The following FGF12 variants were observed in gnomAD, a reference collection of about 807,000 sequenced individuals.
FGF12 encodes fibroblast growth factor 12B.
Under a neutral mutation model 23.6 loss-of-function variants are expected in FGF12, and 14 were observed. That is an observed-to-expected ratio of 0.59 (90% CI 0.39 to 0.93). The LOEUF (loss-of-function observed/expected upper bound fraction) is 0.93, where lower values mean the gene tolerates loss of function less well. FGF12 is among the 40% of genes least tolerant of loss of function. The probability of loss-of-function intolerance (pLI) is 0.00; values close to 1 mark genes in which losing one functional copy is unlikely to be tolerated. For missense variants in FGF12, 175 were observed against 217.8 expected (o/e 0.80, Z 1.24); for synonymous variants, 62 against 77.3 (o/e 0.80, Z 1.04).
At chr3:192,184,594 G>A (rs1457733813) in intron 4 of FGF12, among the ~76,000 whole-genome samples, 16 of 152,186 alleles carry the variant, frequency 1.1e-4, no homozygotes, top group Admixed American at 1.0e-3. Flanking sequence ...GTCAGGGGAA[G>A]GCCAATCCAA....
At chr3:192,466,822 C>T (rs1010816656) in intron 2 of FGF12, among the ~76,000 whole-genome samples, 1 of 152,156 alleles carries the variant, frequency 6.6e-6, no homozygotes, top group Non-Finnish European at 1.5e-5. Context: ...TATTAAAATC[C>T]AGAGCCCCTG....
intron 4 of FGF12, among the ~76,000 whole-genome samples, chr3:192,207,258 C>T (rs1717700967): frequency 2.0e-5 from 3 of 152,288 alleles, no homozygotes; most frequent in Non-Finnish European, 1.5e-5. Flanking sequence ...CAAATGTTAT[C>T]AACCTTCAAC....
chr3:192,533,073 T>C (rs1725132801), intron 2 of FGF12, among the ~76,000 whole-genome samples: 1 of 152,156 alleles, frequency 6.6e-6, no homozygotes, highest in East Asian at 1.9e-4. Context: ...GAGAAAAAAT[T>C]TAAAATAGCG....
At chr3:192,385,876 C>T (rs1359047973) in intron 2 of FGF12, among the ~76,000 whole-genome samples, 1 of 152,130 alleles carries the variant, frequency 6.6e-6, no homozygotes, top group Non-Finnish European at 1.5e-5. Context: ...GTAAACATGC[C>T]CCCTTATTCC....
chr3:192,374,549 T>C (rs1719385286), intron 2 of FGF12, among the ~76,000 whole-genome samples: 1 of 152,216 alleles, frequency 6.6e-6, no homozygotes, highest in Non-Finnish European at 1.5e-5. Flanking sequence ...CTTTTTAGCA[T>C]GAAATATTTC....
chr3:192,333,741 A>G (rs916444453), intron 4 of FGF12, among the ~76,000 whole-genome samples: 4 of 152,242 alleles, frequency 2.6e-5, no homozygotes, highest in African/African-American at 9.6e-5. Flanking sequence ...CACTCTCTGT[A>G]GCTTAAGTGA....
intron 4 of FGF12, among the ~76,000 whole-genome samples, chr3:192,232,400 T>A (rs1299775334): frequency 2.0e-5 from 3 of 152,154 alleles, no homozygotes; most frequent in African/African-American, 7.2e-5. Flanking sequence ...TAATAAAAGA[T>A]CAGATTCATT....
intron 4 of FGF12, among the ~76,000 whole-genome samples, chr3:192,296,469 C>T (rs1039039310): frequency 6.6e-6 from 1 of 152,092 alleles, no homozygotes; most frequent in Non-Finnish European, 1.5e-5. Context: ...AGTGATAGCC[C>T]CGCCTTGGCC....
At chr3:192,277,391 A>C (rs1460972001) in intron 4 of FGF12, among the ~76,000 whole-genome samples, 1 of 152,074 alleles carries the variant, frequency 6.6e-6, no homozygotes, top group Non-Finnish European at 1.5e-5. Context: ...TTCTGTAAAG[A>C]TTTCTGTCCA....
rs544031426 is a variant in FGF12 at position 192,242,388 on chromosome 3, G to A, written c.229-71732C>T. 2.0e-5 allele frequency among the ~76,000 whole-genome samples: 3 copies of A among 152,248 alleles called. No homozygotes were observed. In the South Asian group the frequency reaches 6.2e-4, roughly 32 times the overall value. On this transcript the variant is annotated intron_variant, in intron 4 of 5. Coordinates refer to ENST00000445105, the MANE Select transcript of FGF12 (RefSeq NM_004113.6). Reference sequence around the variant, plus strand: ...CCCTTCCTAGTTCTAGCAACCAAAAGTGTTTATGAACATTGCCAATTTTCC... The same window carrying A: ...CCCTTCCTAGTTCTAGCAACCAAAAATGTTTATGAACATTGCCAATTTTCC...
intron 2 of FGF12, among the ~76,000 whole-genome samples, chr3:192,669,761 T>A (rs1717041461): frequency 6.6e-6 from 1 of 152,252 alleles, no homozygotes; most frequent in South Asian, 2.1e-4. Flanking sequence ...TATGATAATG[T>A]GTTTTCCAGA....
At chr3:192,472,162 G>A (rs758354189) in intron 2 of FGF12, among the ~76,000 whole-genome samples, 10 of 151,976 alleles carry the variant, frequency 6.6e-5, no homozygotes, top group South Asian at 4.2e-4. Flanking sequence ...GACTACAGGC[G>A]CCTGCCACCA....
chr3:192,305,222 A>G (rs573839074), intron 4 of FGF12, among the ~76,000 whole-genome samples: 71 of 152,278 alleles, frequency 4.7e-4, no homozygotes, highest in African/African-American at 1.7e-3. Context: ...ACTGTTTCTC[A>G]TTGCCACTCT....
chr3:192,330,504 C>T (rs982812053), intron 4 of FGF12, among the ~76,000 whole-genome samples: 3 of 152,116 alleles, frequency 2.0e-5, no homozygotes, highest in African/African-American at 7.2e-5. Flanking sequence ...GTTGGAAAAA[C>T]TGTATATCCA....
chr3:192,560,943 A>T (rs1381009252), intron 2 of FGF12, among the ~76,000 whole-genome samples: 2 of 152,234 alleles, frequency 1.3e-5, no homozygotes, highest in East Asian at 3.8e-4. Context: ...AATATAGTAC[A>T]TGCATACAAC....
At chr3:192,394,437 T>A (rs1720434396) in intron 2 of FGF12, among the ~76,000 whole-genome samples, 2 of 152,220 alleles carry the variant, frequency 1.3e-5, no homozygotes, top group South Asian at 4.1e-4. Flanking sequence ...TAGAACTTCA[T>A]ATCAAACATA....
At chr3:192,380,070 T>C (rs1719752019) in intron 2 of FGF12, among the ~76,000 whole-genome samples, 1 of 152,166 alleles carries the variant, frequency 6.6e-6, no homozygotes, top group Non-Finnish European at 1.5e-5. Context: ...TTAATAACAA[T>C]ATTTAAATTA....
At chr3:192,502,734 G>C (rs767365712) in intron 2 of FGF12, among the ~76,000 whole-genome samples, 7 of 152,190 alleles carry the variant, frequency 4.6e-5, no homozygotes, top group Non-Finnish European at 8.8e-5. Flanking sequence ...AGCAACTAAC[G>C]TTGGAATGGG....
chr3:192,289,920 A>T (rs1714665304), intron 4 of FGF12, among the ~76,000 whole-genome samples: 1 of 152,156 alleles, frequency 6.6e-6, no homozygotes, highest in Admixed American at 6.6e-5. Flanking sequence ...GTAACCCTTC[A>T]GAAAAGGTTT....
Sources: allele counts gnomAD v4.1 joint callset (sites outside exome capture counted in the v4.1 genomes callset), GRCh38; gene constraint gnomAD v4.1.1; transcripts MANE v1.5; gene names NCBI Gene and HGNC (gene_info 2026-07-23, HGNC 2026-07-21).